The following TAOK3 variants were observed in gnomAD, a reference collection of about 807,000 sequenced individuals.
TAOK3 encodes serine/threonine-protein kinase TAO3.
In TAOK3, 40 loss-of-function variants were observed where a neutral mutation model predicts 120.4. The ratio of observed to expected loss-of-function variants is 0.33; its 90% confidence interval spans 0.26 to 0.43. The LOEUF is 0.43. Among genes scored for constraint, TAOK3 ranks in the 20% least tolerant of loss-of-function variants. The probability of loss-of-function intolerance (pLI) is 1.00; values close to 1 mark genes in which losing one functional copy is unlikely to be tolerated. For missense variants in TAOK3, 821 were observed against 1,112.1 expected (o/e 0.74, Z 3.72); for synonymous variants, 355 against 387.5 (o/e 0.92, Z 0.99).
intron 20 of TAOK3, among the ~76,000 whole-genome samples, chr12:118,151,531 A>G (rs1566214575): frequency 6.6e-6 from 1 of 152,192 alleles, no homozygotes; most frequent in Non-Finnish European, 1.5e-5. Context: ...CTCAAGCACA[A>G]TTGGATTGTG....
At chr12:118,182,608 T>TAC (rs2036812659) in intron 14 of TAOK3, among the ~76,000 whole-genome samples, 1 of 82,784 alleles carries the variant, frequency 1.2e-5, no homozygotes, top group Admixed American at 1.3e-4. Context: ...TGTATATATA[T>TAC]ATATATATAT....
At chr12:118,158,488 T>C (rs143493966) in intron 19 of TAOK3, among the ~76,000 whole-genome samples, 55 of 152,328 alleles carry the variant, frequency 3.6e-4, no homozygotes, top group African/African-American at 1.3e-3. Flanking sequence ...CACTCTTTTA[T>C]TGTTCTAGCT....
intron 9 of TAOK3, among the ~76,000 whole-genome samples, chr12:118,231,694 C>T (rs1374206271): frequency 1.3e-5 from 2 of 151,896 alleles, no homozygotes; most frequent in African/African-American, 4.8e-5. Flanking sequence ...GAGGCCGAGG[C>T]GGGTGGATCA....
intron 20 of TAOK3, 27 bp downstream of exon 20, chr12:118,152,200 A>C (rs1214884392): frequency 1.5e-5 from 24 of 1,599,684 alleles, no homozygotes; most frequent in Non-Finnish European, 2.1e-5. Context: ...ACCCAGTGGC[A>C]CCGGACCCCT....
intron 15 of TAOK3, among the ~76,000 whole-genome samples, chr12:118,180,577 G>A (rs2036650001): frequency 6.6e-6 from 1 of 152,066 alleles, no homozygotes; most frequent in African/African-American, 2.4e-5. Context: ...ACGTGGATGG[G>A]GACGAGAGAT....
At chr12:118,169,325 C>G (rs866528017) in intron 17 of TAOK3, among the ~76,000 whole-genome samples, 8 of 121,354 alleles carry the variant, frequency 6.6e-5, no homozygotes, top group South Asian at 5.5e-4. Context: ...CACCCCCCCC[C>G]CTTTTTTTTT....
At chr12:118,350,626 A>G (rs539912666) in intron 1 of TAOK3, among the ~76,000 whole-genome samples, 6 of 152,214 alleles carry the variant, frequency 3.9e-5, no homozygotes, top group African/African-American at 1.2e-4. Flanking sequence ...TGGGAGGCTG[A>G]GGCAGGTGGA....
intron 1 of TAOK3, among the ~76,000 whole-genome samples, chr12:118,299,308 TCAA>T (rs1389661122): frequency 7.9e-5 from 12 of 152,166 alleles, no homozygotes; most frequent in Non-Finnish European, 1.2e-4. Context: ...CAAAAAACAT[TCAA>T]CAAACTCATA....
intron 1 of TAOK3, among the ~76,000 whole-genome samples, chr12:118,294,525 A>C (rs896894777): frequency 6.6e-6 from 1 of 151,998 alleles, no homozygotes; most frequent in African/African-American, 2.4e-5. Context: ...CTCGGACTAC[A>C]GGTGTGCACC....
intron 9 of TAOK3, among the ~76,000 whole-genome samples, chr12:118,219,676 C>T (rs1310530404): frequency 1.3e-5 from 2 of 151,724 alleles, no homozygotes; most frequent in African/African-American, 2.4e-5. Flanking sequence ...CTCACTGCAG[C>T]CTTGACCTCC....
intron 11 of TAOK3, among the ~76,000 whole-genome samples, chr12:118,202,997 C>G (rs1052143962): frequency 4.6e-5 from 7 of 151,936 alleles, no homozygotes; most frequent in Admixed American, 1.3e-4. Flanking sequence ...CTTGGCTGGT[C>G]TTAAACTCCT....
chr12:118,289,943 G>A (rs1419250229), intron 1 of TAOK3, among the ~76,000 whole-genome samples: 1 of 148,976 alleles, frequency 6.7e-6, no homozygotes, highest in African/African-American at 2.5e-5. Flanking sequence ...GCAGTGAGCC[G>A]AGATCACACC....
chr12:118,193,138 C>A (rs2037526760), intron 13 of TAOK3, among the ~76,000 whole-genome samples: 1 of 149,422 alleles, frequency 6.7e-6, no homozygotes, highest in African/African-American at 2.5e-5. Context: ...GCTACCTCTC[C>A]ACCTCCTGGG....
At chr12:118,224,649 A>G (rs1162624034) in intron 9 of TAOK3, among the ~76,000 whole-genome samples, 1 of 152,224 alleles carries the variant, frequency 6.6e-6, no homozygotes, top group Non-Finnish European at 1.5e-5. Flanking sequence ...AGTTTTAACT[A>G]GTCCTTTCAA....
chr12:118,185,102 AG>A (rs1393336666), intron 14 of TAOK3, among the ~76,000 whole-genome samples: 1 of 151,942 alleles, frequency 6.6e-6, no homozygotes, highest in Non-Finnish European at 1.5e-5. Context: ...GGCACATTTA[AG>A]GAAAAAAAAA....
chr12:118,188,158 C>A (rs1015037091), intron 14 of TAOK3, among the ~76,000 whole-genome samples: 2 of 152,306 alleles, frequency 1.3e-5, no homozygotes, highest in African/African-American at 4.8e-5. Flanking sequence ...TGTAAAACCA[C>A]TGATGGTACT....
chr12:118,197,694 T>C (rs2037798343), intron 13 of TAOK3, among the ~76,000 whole-genome samples: 1 of 143,888 alleles, frequency 6.9e-6, no homozygotes, highest in South Asian at 2.3e-4. Context: ...TTTTTTTTTT[T>C]TTTTTTTTTT....
intron 1 of TAOK3, among the ~76,000 whole-genome samples, chr12:118,370,062 A>T (rs2045855009): frequency 6.6e-6 from 1 of 152,028 alleles, no homozygotes; most frequent in South Asian, 2.1e-4. Flanking sequence ...TCTAGTAGAG[A>T]CGGGGTTTCA....
chr12:118,285,286 G>A (rs370081849), intron 1 of TAOK3, among the ~76,000 whole-genome samples: 1 of 151,944 alleles, frequency 6.6e-6, no homozygotes. Context: ...CAAGTGGTCT[G>A]CCCGCATCAG....
Sources: allele counts gnomAD v4.1 joint callset (sites outside exome capture counted in the v4.1 genomes callset), GRCh38; gene constraint gnomAD v4.1.1; transcripts MANE v1.5; gene names NCBI Gene and HGNC (gene_info 2026-07-23, HGNC 2026-07-21).